The following KCNQ5 variants were observed in gnomAD, a reference collection of about 807,000 sequenced individuals.
KCNQ5 encodes the protein potassium voltage-gated channel subfamily KQT member 5.
A neutral mutation model predicts 98.2 loss-of-function variants in KCNQ5; 30 were observed. The ratio of observed to expected loss-of-function variants is 0.31; its 90% CI spans 0.23 to 0.41. KCNQ5 has a LOEUF of 0.41. Ranked by LOEUF, KCNQ5 falls within the 10% of genes least tolerant of loss-of-function variation. The pLI is 1.00. For synonymous variants in KCNQ5, 458 were observed against 449.4 expected (o/e 1.02, Z -0.24); for missense variants, 835 against 1,182.5 (o/e 0.71, Z 4.31).
intron 1 of KCNQ5, among the ~76,000 whole-genome samples, chr6:72,997,086 G>A (rs946103036): frequency 6.6e-6 from 1 of 152,136 alleles, no homozygotes. Flanking sequence ...GGGCTATGCC[G>A]CCGTAAAATG....
At chr6:72,979,754 C>T (rs1262303281) in intron 1 of KCNQ5, among the ~76,000 whole-genome samples, 1 of 152,072 alleles carries the variant, frequency 6.6e-6, no homozygotes, top group African/African-American at 2.4e-5. Context: ...CTCGCCTGTG[C>T]CTATGTCCTG....
chr6:73,034,688 G>A (rs919249533), intron 2 of KCNQ5, among the ~76,000 whole-genome samples: 1 of 152,118 alleles, frequency 6.6e-6, no homozygotes, highest in African/African-American at 2.4e-5. Flanking sequence ...GTACAGCAGA[G>A]TTATATGTAT....
intron 1 of KCNQ5, among the ~76,000 whole-genome samples, chr6:72,812,922 C>T (rs1233416717): frequency 6.6e-6 from 1 of 152,078 alleles, no homozygotes; most frequent in African/African-American, 2.4e-5. Flanking sequence ...TTCTAATTTA[C>T]GTGGATTAAA....
At chr6:73,094,737 C>T (rs4351213) in intron 5 of KCNQ5, among the ~76,000 whole-genome samples, 132,681 of 152,132 alleles carry the variant, frequency 0.87, 58,548 homozygotes, top group South Asian at 0.96. Context: ...TTGAGGAGGC[C>T]GAAGACAAGG....
intron 1 of KCNQ5, among the ~76,000 whole-genome samples, chr6:72,976,722 G>T (rs1440951035): frequency 6.6e-6 from 1 of 152,170 alleles, no homozygotes; most frequent in Non-Finnish European, 1.5e-5. Context: ...TCATTCCCAT[G>T]TACTGACTGC....
rs143155713 is a variant in KCNQ5, at chr6:72,948,855, A to C, written c.399-55053A>C. ...TATTATCTCCTTGAAATTTCTTAGG[A>C]TAGGAGGGAAGCATATTTGTGGATC... On this transcript the variant is annotated intron_variant, in intron 1 of 13. Transcript: ENST00000370398. Among the ~76,000 whole-genome samples, 74 of 152,246 alleles carry C rather than the reference A, an allele frequency of 4.9e-4. No homozygotes were observed. In the East Asian group the frequency reaches 0.013, roughly 27 times the overall value.
intron 6 of KCNQ5, among the ~76,000 whole-genome samples, chr6:73,109,676 C>T (rs1775146608): frequency 6.6e-6 from 1 of 152,116 alleles, no homozygotes; most frequent in African/African-American, 2.4e-5. Flanking sequence ...TAAACCAGAT[C>T]ACAGAGACCA....
intron 3 of KCNQ5, among the ~76,000 whole-genome samples, chr6:73,048,999 G>A (rs950825586): frequency 6.6e-6 from 1 of 152,148 alleles, no homozygotes; most frequent in Non-Finnish European, 1.5e-5. Context: ...ATCTGAAACT[G>A]TATGATCAAT....
chr6:72,651,822 G>A (rs1202701562), intron 1 of KCNQ5, among the ~76,000 whole-genome samples: 1 of 151,864 alleles, frequency 6.6e-6, no homozygotes, highest in Non-Finnish European at 1.5e-5. Flanking sequence ...GGAATTTTTG[G>A]GAAATGTCTG....
chr6:72,808,235 G>C (rs1299287877), intron 1 of KCNQ5, among the ~76,000 whole-genome samples: 1 of 152,142 alleles, frequency 6.6e-6, no homozygotes, highest in Non-Finnish European at 1.5e-5. Context: ...TTACGATTTT[G>C]AATATTTTGC....
At chr6:72,735,216 G>A (rs1770766219) in intron 1 of KCNQ5, among the ~76,000 whole-genome samples, 1 of 152,140 alleles carries the variant, frequency 6.6e-6, no homozygotes, top group African/African-American at 2.4e-5. Context: ...CTTAAAACTA[G>A]CAGTATCTGT....
intron 1 of KCNQ5, among the ~76,000 whole-genome samples, chr6:72,917,741 G>A (rs1055907986): frequency 1.3e-5 from 2 of 152,128 alleles, no homozygotes. Context: ...AAAGTGCTGA[G>A]ATTACAGGCA....
chr6:72,865,152 A>G (rs138077724), intron 1 of KCNQ5, among the ~76,000 whole-genome samples: 1 of 152,344 alleles, frequency 6.6e-6, no homozygotes, highest in Non-Finnish European at 1.5e-5. Flanking sequence ...AAGTGACTTT[A>G]CCATGATACT....
chr6:72,635,269 A>G (rs1441188855), intron 1 of KCNQ5, among the ~76,000 whole-genome samples: 3 of 152,106 alleles, frequency 2.0e-5, no homozygotes, highest in South Asian at 4.2e-4. Flanking sequence ...GGCTCAAGCA[A>G]TCCTCCCGCC....
chr6:72,790,962 C>T (rs1774003827), intron 1 of KCNQ5, among the ~76,000 whole-genome samples: 1 of 152,028 alleles, frequency 6.6e-6, no homozygotes, highest in Non-Finnish European at 1.5e-5. Flanking sequence ...GGTCCTGGGT[C>T]TGGAGGTAAC....
intron 1 of KCNQ5, among the ~76,000 whole-genome samples, chr6:72,684,737 A>G (rs1409840860): frequency 1.3e-5 from 2 of 152,236 alleles, no homozygotes; most frequent in East Asian, 3.8e-4. Context: ...AACCTTCCAA[A>G]TATTGACATA....
intron 11 of KCNQ5, among the ~76,000 whole-genome samples, chr6:73,181,807 T>C (rs1361237325): frequency 6.6e-6 from 1 of 152,262 alleles, no homozygotes; most frequent in East Asian, 1.9e-4. Flanking sequence ...AATTACTGGA[T>C]GTTTAACATC....
chr6:72,709,383 A>G (rs59021804), intron 1 of KCNQ5, among the ~76,000 whole-genome samples: 8,614 of 152,248 alleles, frequency 0.057, 791 homozygotes, highest in African/African-American at 0.19. Context: ...GTTACACTTG[A>G]TCCTTGGAGA....
chr6:72,989,641 G>A (rs1376799266), intron 1 of KCNQ5, among the ~76,000 whole-genome samples: 1 of 226 alleles, frequency 4.4e-3, no homozygotes, highest in Non-Finnish European at 7.6e-3. Flanking sequence ...CTTTTGCTGT[G>A]CAGAAGCTCT....
Sources: gnomAD v4.1 joint callset for allele counts (sites outside exome capture counted in the v4.1 genomes callset) on GRCh38, gnomAD v4.1.1 for gene constraint, MANE v1.5 for transcripts, NCBI Gene and HGNC (gene_info 2026-07-23, HGNC 2026-07-21) for gene names.